The following TMEM150B variants were observed in gnomAD, a reference collection of about 807,000 sequenced individuals.
The protein encoded by TMEM150B is modulator of macroautophagy TMEM150B.
In TMEM150B, 33 loss-of-function variants were observed where a neutral mutation model predicts 25.2. That is an observed-to-expected ratio of 1.31 (90% CI 0.99 to 1.75). TMEM150B has a LOEUF of 1.75. TMEM150B is among the 40% of genes most tolerant of loss of function. The pLI is 0.00. For synonymous variants in TMEM150B, 133 were observed against 134.8 expected, an observed-to-expected ratio of 0.99 and a Z score of 0.09; for missense variants, 322 against 306.1, an observed-to-expected ratio of 1.05 and a Z score of -0.39.
rs751366354 is a variant in TMEM150B at position 55,313,010 on chromosome 19, C to A, written c.551G>T (p.Cys184Phe). The stretch of plus-strand genomic sequence containing the variant: ...CAGCAGCATGGCCACGACCCACTCG[C>A]AGGCCGCAGAGACGCTACGCAGCGA... Reference protein sequence around the residue: ...ACSLRSVSAACEWVVAMLLFA... With the variant: ...ACSLRSVSAAFEWVVAMLLFA... Residue 184 changes from cysteine (C) to phenylalanine (F), a missense_variant, in exon 8 of 8, where the codon TGC (cysteine) becomes TTC (phenylalanine). Physicochemically the swap from Cys to Phe is radical, Grantham distance 205. Transcript: ENST00000326652. The A allele has an allele frequency of 1.2e-6, 2 of 1,613,572 alleles. No individual in the cohort carries two copies. Among genetic ancestry groups the A allele is most frequent in the East Asian group, 2.2e-5 (1 of 44,870 alleles).
At chr19:55,312,037 T>G, downstream of TMEM150B, 1 of 1,481,410 alleles carries the variant, frequency 6.8e-7, no homozygotes, top group Non-Finnish European at 9.0e-7. Flanking sequence ...GACAAGAAGC[T>G]CCTGGCCACC....
At chr19:55,324,416 G>A (rs192037813) in intron 1 of TMEM150B, among the ~76,000 whole-genome samples, 7,336 of 151,892 alleles carry the variant, frequency 0.048, 246 homozygotes, top group African/African-American at 0.095. Context: ...TTGGGAGGCC[G>A]AGGTGGGCAG....
intron 1 of TMEM150B, chr19:55,324,817 T>A (rs2089293600): frequency 2.0e-6 from 2 of 985,418 alleles, no homozygotes; most frequent in Middle Eastern, 5.2e-4. Context: ...GGTCTCCGTT[T>A]GCCCAGACAT....
downstream of TMEM150B, chr19:55,311,864 C>A (rs2088805480): frequency 3.8e-6 from 6 of 1,597,426 alleles, no homozygotes; most frequent in South Asian, 5.6e-5. Flanking sequence ...ATGGGAACCC[C>A]AACCCTGGGC....
chr19:55,313,293 A>T (rs4806661), intron 7 of TMEM150B, among the ~76,000 whole-genome samples: 62,838 of 151,752 alleles, frequency 0.41, 13,767 homozygotes, highest in African/African-American at 0.53. Context: ...TACTATTGCA[A>T]TCCTAATATC....
chr19:55,324,476 C>T lies in TMEM150B; in HGVS notation c.-154+796G>A, dbSNP rs576026374. 4.5e-3 allele frequency among the ~76,000 whole-genome samples: 684 copies of T among 151,920 alleles called. 5 individuals carry two copies. The highest frequency in any genetic ancestry group is 0.016 in the African/African-American group (650 of 41,444). Reference sequence around the variant, plus strand: ...CAGCCTGGCCAACATAGTGAAACCCCGTCTCTACTAAAAATACAAAAATTA... The same window carrying T: ...CAGCCTGGCCAACATAGTGAAACCCTGTCTCTACTAAAAATACAAAAATTA... On this transcript the variant is annotated intron_variant, in intron 1 of 7. Coordinates refer to ENST00000326652, the MANE Select transcript of TMEM150B (RefSeq NM_001282011.2).
chr19:55,320,357 G>C (rs1450680784), intron 5 of TMEM150B, 34 bp downstream of exon 5: 7 of 1,515,300 alleles, frequency 4.6e-6, no homozygotes, highest in Admixed American at 2.2e-5. Flanking sequence ...GCTGGGCTTG[G>C]GAGCACTGAA....
At position 55,320,056 on chromosome 19, in the gene TMEM150B, C is replaced by T. The variant is rs1458676532; in HGVS notation, c.307G>A (p.Val103Met). 11 of 1,614,106 alleles carry T rather than the reference C, an allele frequency of 6.8e-6. No individual in the cohort carries two copies. The highest frequency in any genetic ancestry group is 1.1e-5 in the South Asian group (1 of 91,078). ...TGLLCALGTS[V>M]VGNFQEKNQR... is the part of the protein sequence containing the mutation. Reference sequence around the variant, plus strand: ...GGTCTCACCTGGAAATTGCCTACCACGGAGGTGCCCAGGGCACACAGAAGA... The same window carrying T: ...GGTCTCACCTGGAAATTGCCTACCATGGAGGTGCCCAGGGCACACAGAAGA... Residue 103 changes from valine (V) to methionine (M), a missense_variant, in exon 6 of 8, where the codon GTG (valine) becomes ATG (methionine). Coordinates refer to ENST00000326652, the MANE Select transcript of TMEM150B (RefSeq NM_001282011.2).
rs138035807 is a variant in TMEM150B at position 55,320,979 on chromosome 19, C to T, written c.58G>A (p.Val20Ile). Residue 20 changes from valine (V) to isoleucine (I), a missense_variant, in exon 3 of 8, where the codon GTC (valine) becomes ATC (isoleucine). Coordinates refer to ENST00000326652, the MANE Select transcript of TMEM150B (RefSeq NM_001282011.2). ...GCCTCTGACACTCACACGATCCAGACGCCAGAGATAGCCCAGACAGCTAGG... is the reference window on the plus strand; with the variant it reads ...GCCTCTGACACTCACACGATCCAGATGCCAGAGATAGCCCAGACAGCTAGG... ...VFLAVWAISGVWIVFAIAVTN... is the reference protein window; with the variant it reads ...VFLAVWAISGIWIVFAIAVTN... The T allele has an allele frequency of 4.2e-4, 673 of 1,613,884 alleles. No individual in the cohort carries two copies. The highest frequency in any genetic ancestry group is 5.1e-4 in the Non-Finnish European group (604 of 1,179,872).
intron 7 of TMEM150B, among the ~76,000 whole-genome samples, chr19:55,316,259 T>C (rs1202967330): frequency 3.3e-5 from 5 of 152,134 alleles, no homozygotes; most frequent in Non-Finnish European, 7.4e-5. Flanking sequence ...TCTCAGAGCC[T>C]GCGCAAGCCA....
At chr19:55,324,434 G>A (rs1220641363) in intron 1 of TMEM150B, among the ~76,000 whole-genome samples, 1 of 152,000 alleles carries the variant, frequency 6.6e-6, no homozygotes, top group Non-Finnish European at 1.5e-5. Flanking sequence ...CAGATCATGA[G>A]ATCAGGAGTT....
At chr19:55,324,334 C>G (rs1256210865) in intron 1 of TMEM150B, among the ~76,000 whole-genome samples, 1 of 151,064 alleles carries the variant, frequency 6.6e-6, no homozygotes, top group African/African-American at 2.4e-5. Flanking sequence ...GAAAACCTGT[C>G]TCTACTAAAA....
At chr19:55,321,124 G>T in intron 2 of TMEM150B, 31 bp from the exon 3 acceptor site, 1 of 1,511,338 alleles carries the variant, frequency 6.6e-7, no homozygotes, top group East Asian at 2.4e-5. Flanking sequence ...GAGGGCCCAG[G>T]TGCATGAGAT....
chr19:55,319,457 T>C (rs1323833809), intron 6 of TMEM150B: 24 of 116,686 alleles, frequency 2.1e-4, no homozygotes, highest in African/African-American at 7.4e-4. Context: ...TTTTTTTTTT[T>C]TTTTTTGAGA....
Position 55,312,829 on chromosome 19 carries a change from G to A in TMEM150B, c.*30C>T. ...TGGCCCCATCTTTCCTGCTTCACTG[G>A]TGAGGGCAAGGCCCGGGTCAGGGTG... On this transcript the variant is annotated 3_prime_UTR_variant, in exon 8 of 8. Transcript: ENST00000326652. 1 of 1,548,018 alleles carries A rather than the reference G, an allele frequency of 6.5e-7. No homozygotes were observed. The highest frequency in any genetic ancestry group is 2.0e-5 in the Admixed American group (1 of 51,034).
At chr19:55,322,953 C>T (rs1333748935) in intron 1 of TMEM150B, among the ~76,000 whole-genome samples, 3 of 152,040 alleles carry the variant, frequency 2.0e-5, no homozygotes, top group East Asian at 1.9e-4. Context: ...GGACTCAGAT[C>T]GGAGCCTCCA....
At position 55,316,874 on chromosome 19, in the gene TMEM150B, C is replaced by G; in HGVS notation, c.417G>C (p.Arg139Ser). ...VYFWLQLLLW[R>S]LKRLPQPGAA... is the part of the protein sequence containing the mutation. Reference sequence around the variant, plus strand: ...CCCCGGGCTGGGGCAGCCTCTTCAGCCTCCACAGGAGGAGCTGCAGCCAGA... The same window carrying G: ...CCCCGGGCTGGGGCAGCCTCTTCAGGCTCCACAGGAGGAGCTGCAGCCAGA... Residue 139 changes from arginine (R) to serine (S), a missense_variant, in exon 7 of 8, where the codon AGG becomes AGC. Coordinates refer to ENST00000326652, the MANE Select transcript of TMEM150B (RefSeq NM_001282011.2). The G allele has an allele frequency of 6.2e-7, 1 of 1,601,712 alleles. No homozygotes were observed. The highest frequency in any genetic ancestry group is 8.5e-7 in the Non-Finnish European group (1 of 1,175,494).
intron 6 of TMEM150B, among the ~76,000 whole-genome samples, chr19:55,318,556 A>C (rs1343219853): frequency 6.6e-6 from 1 of 151,700 alleles, no homozygotes; most frequent in Non-Finnish European, 1.5e-5. Context: ...GAATCGCTTG[A>C]ACCCAGCAGG....
chr19:55,325,183 G>A (rs966614663), intron 1 of TMEM150B, 89 bp downstream of exon 1: 6 of 756,522 alleles, frequency 7.9e-6, no homozygotes, highest in South Asian at 6.0e-5. Flanking sequence ...CGGTGCTTAT[G>A]TGACCTGCTT....
Sources: gnomAD v4.1 joint callset for allele counts (sites outside exome capture counted in the v4.1 genomes callset) on GRCh38, gnomAD v4.1.1 for gene constraint, MANE v1.5 for transcripts, NCBI Gene and HGNC (gene_info 2026-07-23, HGNC 2026-07-21) for gene names.